Variants in METAP1D observed in about 807,000 individuals in gnomAD.
METAP1D encodes methionyl aminopeptidase type 1D, mitochondrial.
Under a neutral mutation model 40.5 loss-of-function variants are expected in METAP1D, and 31 were observed. The ratio of observed to expected loss-of-function variants is 0.77; its 90% CI spans 0.58 to 1.03. The LOEUF is 1.03. Ranked by LOEUF, METAP1D falls within the 50% of genes least tolerant of loss-of-function variation. The pLI, the probability that METAP1D is intolerant of heterozygous loss-of-function variation, is 0.00. For synonymous variants in METAP1D, 151 were observed against 146.4 expected (o/e 1.03, Z -0.22); for missense variants, 411 against 420.7 (o/e 0.98, Z 0.20).
intron 1 of METAP1D, among the ~76,000 whole-genome samples, chr2:172,034,718 G>A (rs150731341): frequency 9.9e-5 from 15 of 151,956 alleles, no homozygotes; most frequent in Admixed American, 4.6e-4. Context: ...ATCCAACAAG[G>A]GTTTTATCAA....
intron 1 of METAP1D, among the ~76,000 whole-genome samples, chr2:172,005,520 T>TTTTTATATA (rs1267182910): frequency 3.6e-5 from 4 of 110,940 alleles, no homozygotes; most frequent in Non-Finnish European, 5.4e-5. Flanking sequence ...TGTCTGTATT[T>TTTTTATATA]TATATATATA....
At chr2:172,004,424 A>T (rs916694794) in intron 1 of METAP1D, among the ~76,000 whole-genome samples, 4 of 151,942 alleles carry the variant, frequency 2.6e-5, no homozygotes, top group African/African-American at 9.7e-5. Context: ...CCCAAATTCA[A>T]GTGATTCTCC....
chr2:172,079,240 G>A lies in METAP1D; in HGVS notation c.828G>A (p.Glu276=). Residue 276 remains glutamate, a synonymous_variant, in exon 8 of 10, where the codon GAG becomes GAA. Transcript: ENST00000315796. ...HHANDSDLPM[E]EGMAFTIEPI... ...CAAACGACAGTGATCTACCCATGGA[G>A]GAGGGCATGGCATTCACTATAGGTA... 6.2e-7 allele frequency: 1 copy of A among 1,614,062 alleles called. No individual in the cohort carries two copies. Among genetic ancestry groups the A allele is most frequent in the Middle Eastern group, 1.6e-4 (1 of 6,062 alleles).
At chr2:172,010,264 C>G (rs12473876) in intron 1 of METAP1D, among the ~76,000 whole-genome samples, 1 of 151,410 alleles carries the variant, frequency 6.6e-6, no homozygotes, top group Admixed American at 6.6e-5. Context: ...CCTCAGCCCC[C>G]CAAGTAGCTG....
rs150678645 is a variant in METAP1D, at chr2:172,037,243, C to T, written c.41-24255C>T. On this transcript the variant is annotated intron_variant, in intron 1 of 9. Coordinates refer to ENST00000315796, the MANE Select transcript of METAP1D (RefSeq NM_199227.3). Reference sequence around the variant, plus strand: ...TGCCGTTGCACTCCAGCCTGGGCAACAAGAGGGAAACTCCATCTCAAGAAA... The same window carrying T: ...TGCCGTTGCACTCCAGCCTGGGCAATAAGAGGGAAACTCCATCTCAAGAAA... Among the ~76,000 whole-genome samples the T allele has an allele frequency of 3.2e-4, 47 of 145,336 alleles. No individual in the cohort carries two copies. In the East Asian group the frequency reaches 7.9e-3, roughly 24 times the overall value.
chr2:172,078,516 T>C (rs1367976545), intron 7 of METAP1D, among the ~76,000 whole-genome samples: 1 of 152,092 alleles, frequency 6.6e-6, no homozygotes, highest in Non-Finnish European at 1.5e-5. Flanking sequence ...TCAAGGCAGG[T>C]CCACACCTGG....
intron 1 of METAP1D, among the ~76,000 whole-genome samples, chr2:172,018,606 GA>G (rs1175366506): frequency 6.6e-6 from 1 of 152,166 alleles, no homozygotes; most frequent in Non-Finnish European, 1.5e-5. Context: ...TCTCAAGAGA[GA>G]ATAAAACAGA....
chr2:172,062,818 T>A (rs1559017151), intron 2 of METAP1D, among the ~76,000 whole-genome samples: 1 of 152,232 alleles, frequency 6.6e-6, no homozygotes, highest in Non-Finnish European at 1.5e-5. Context: ...ACCTCAGCCC[T>A]TCCAGAGCTG....
In METAP1D at chr2:172,080,339, T is replaced by C; in HGVS notation, c.941T>C (p.Phe314Ser). ...VSLDNQRSAQFEHTVLITSRG... is the reference protein window; with the variant it reads ...VSLDNQRSAQSEHTVLITSRG... ...GTGCTGTGTTACAGGTCGGCGCAGT[T>C]CGAGCACACGGTTCTGATCACGTCG... Residue 314 changes from phenylalanine to serine, a missense_variant, in exon 10 of 10, where the codon TTC becomes TCC. Coordinates refer to ENST00000315796, the MANE Select transcript of METAP1D (RefSeq NM_199227.3). The C allele has an allele frequency of 6.2e-7, 1 of 1,614,074 alleles. No individual in the cohort carries two copies. Among genetic ancestry groups the C allele is most frequent in the Non-Finnish European group, 8.5e-7 (1 of 1,179,918 alleles).
At chr2:172,059,700 C>T (rs1004029536) in intron 1 of METAP1D, among the ~76,000 whole-genome samples, 2 of 152,172 alleles carry the variant, frequency 1.3e-5, no homozygotes, top group African/African-American at 2.4e-5. Context: ...AGATTTGGCC[C>T]TTGAGCTGTA....
Position 172,074,246 on chromosome 2 carries a change from CATG to C in METAP1D, c.704+3181_704+3183del, listed in dbSNP as rs1446564898. Among the ~76,000 whole-genome samples the C allele has an allele frequency of 5.3e-5, 8 of 152,242 alleles. 1 individual carries two copies. The highest frequency in any genetic ancestry group is 4.6e-4 in the Admixed American group (7 of 15,302). On this transcript the variant is annotated intron_variant, in intron 6 of 9. Transcript: ENST00000315796. ...AAAAATAATTTAAACTTGTAAATGTCATGATGAAAGTATCAATAAATGGTTTTT... is the reference window on the plus strand; with the variant it reads ...AAAAATAATTTAAACTTGTAAATGTCATGAAAGTATCAATAAATGGTTTTT...
At chr2:172,048,636 C>CT (rs1689811984) in intron 1 of METAP1D, among the ~76,000 whole-genome samples, 2 of 152,122 alleles carry the variant, frequency 1.3e-5, no homozygotes, top group Non-Finnish European at 2.9e-5. Context: ...CTGTTTCCTT[C>CT]TTTTTTACCC....
At chr2:172,014,811 C>T (rs1460178192) in intron 1 of METAP1D, among the ~76,000 whole-genome samples, 1 of 151,992 alleles carries the variant, frequency 6.6e-6, no homozygotes, top group Non-Finnish European at 1.5e-5. Flanking sequence ...CGCCAGCACA[C>T]CCGGCTATTT....
Position 172,029,250 on chromosome 2 carries a change from T to C in METAP1D, c.40+29241T>C, listed in dbSNP as rs145891511. Among the ~76,000 whole-genome samples the C allele has an allele frequency of 1.0e-3, 152 of 152,176 alleles. 1 individual carries two copies. Among genetic ancestry groups the C allele is most frequent in the Middle Eastern group, 3.4e-3 (1 of 294 alleles). On this transcript the variant is annotated intron_variant, in intron 1 of 9. Coordinates refer to ENST00000315796, the MANE Select transcript of METAP1D (RefSeq NM_199227.3). ...GGTGAAAACCTGTCTCTACTAAAAA[T>C]AGAAAAATTAGCCAGGCCTAGTGGC...
In METAP1D at chr2:172,042,721, G is replaced by A. The variant is rs1419274248; in HGVS notation, c.41-18777G>A. 4.8e-5 allele frequency among the ~76,000 whole-genome samples: 2 copies of A among 41,496 alleles called. 1 individual carries two copies. Among genetic ancestry groups the A allele is most frequent in the Non-Finnish European group, 9.6e-5 (2 of 20,898 alleles). The allele number at this position is 41,496 out of a possible 152,430, so 27.2% of individuals were successfully genotyped here. ...CATATACGTGTGTGTGTGTATATGT[G>A]TACACATATACGTGTGTGTGTGTAT... On this transcript the variant is annotated intron_variant, in intron 1 of 9. Coordinates refer to ENST00000315796, the MANE Select transcript of METAP1D (RefSeq NM_199227.3).
At chr2:172,006,097 T>C (rs1355588980) in intron 1 of METAP1D, among the ~76,000 whole-genome samples, 1 of 152,138 alleles carries the variant, frequency 6.6e-6, no homozygotes, top group Non-Finnish European at 1.5e-5. Context: ...AAAATATCAA[T>C]ATTTCTGTAT....
At chr2:172,009,655 ACC>A (rs1275893865) in intron 1 of METAP1D, among the ~76,000 whole-genome samples, 3 of 152,166 alleles carry the variant, frequency 2.0e-5, no homozygotes, top group Non-Finnish European at 4.4e-5. Context: ...CTCTTACTAT[ACC>A]TTAATGTTAG....
At chr2:172,044,404 C>CAAAAAAAAA (rs782088377) in intron 1 of METAP1D, among the ~76,000 whole-genome samples, 3 of 69,182 alleles carry the variant, frequency 4.3e-5, no homozygotes, top group Non-Finnish European at 6.6e-5. Context: ...CTTAAAAATA[C>CAAAAAAAAA]AAAAAAAAAA....
chr2:172,036,944 A>T (rs1210762412), intron 1 of METAP1D, among the ~76,000 whole-genome samples: 1 of 152,196 alleles, frequency 6.6e-6, no homozygotes, highest in Non-Finnish European at 1.5e-5. Context: ...TCTATTACTT[A>T]CATGTACTTG....
Sources: gnomAD v4.1 joint callset for allele counts (sites outside exome capture counted in the v4.1 genomes callset) on GRCh38, gnomAD v4.1.1 for gene constraint, MANE v1.5 for transcripts, NCBI Gene and HGNC (gene_info 2026-07-23, HGNC 2026-07-21) for gene names.